Variants in FDFT1 observed in about 807,000 individuals in gnomAD.
FDFT1 encodes squalene synthase.
Under a neutral mutation model 46.8 loss-of-function variants are expected in FDFT1, and 68 were observed. That is an observed-to-expected ratio of 1.45 (90% CI 1.19 to 1.78). The LOEUF (loss-of-function observed/expected upper bound fraction) is 1.78. Ranked by LOEUF, FDFT1 falls within the 40% of genes most tolerant of loss-of-function variation. The pLI is 0.00. For missense variants in FDFT1, 928 were observed against 524.4 expected (o/e 1.77, Z -7.52); for synonymous variants, 351 against 185.1 (o/e 1.90, Z -7.28).
intron 3 of FDFT1, among the ~76,000 whole-genome samples, chr8:11,815,145 T>C (rs770921646): frequency 6.6e-6 from 1 of 152,222 alleles, no homozygotes; most frequent in East Asian, 1.9e-4. Context: ...TGTGATACTT[T>C]GCTCAGAATG....
chr8:11,810,674 A>G (rs1807587086), intron 3 of FDFT1, among the ~76,000 whole-genome samples: 1 of 152,224 alleles, frequency 6.6e-6, no homozygotes, highest in African/African-American at 2.4e-5. Context: ...CTACTATCCT[A>G]GAATTCGCAT....
intron 3 of FDFT1, among the ~76,000 whole-genome samples, chr8:11,816,215 C>A (rs372470697): frequency 1.3e-5 from 2 of 152,300 alleles, no homozygotes; most frequent in East Asian, 1.9e-4. Flanking sequence ...CTGTTCCGTT[C>A]CATTGGTGTA....
upstream of FDFT1, among the ~76,000 whole-genome samples, chr8:11,798,319 C>A (rs1300001742): frequency 1.3e-5 from 2 of 152,162 alleles, no homozygotes; most frequent in Admixed American, 6.5e-5. Context: ...ATTGGTCTTC[C>A]CAAGTGCTGG....
upstream of FDFT1, among the ~76,000 whole-genome samples, chr8:11,799,332 G>C (rs1202020110): frequency 1.3e-5 from 2 of 152,232 alleles, no homozygotes; most frequent in African/African-American, 2.4e-5. Context: ...CTGTCTGGTG[G>C]AGCTGCAGGT....
intron 3 of FDFT1, among the ~76,000 whole-genome samples, chr8:11,812,892 C>G (rs1216905497): frequency 6.6e-6 from 1 of 152,210 alleles, no homozygotes; most frequent in Non-Finnish European, 1.5e-5. Flanking sequence ...TACAGTCATG[C>G]ATCACTTAAT....
intron 4 of FDFT1, among the ~76,000 whole-genome samples, 159 bp downstream of exon 4, chr8:11,822,037 C>G (rs1357153621): frequency 6.6e-6 from 1 of 152,148 alleles, no homozygotes; most frequent in Non-Finnish European, 1.5e-5. Context: ...ACAGTTTATT[C>G]CAGAGTTAAT....
intron 6 of FDFT1, among the ~76,000 whole-genome samples, chr8:11,831,137 A>C (rs1370000843): frequency 6.6e-6 from 1 of 152,214 alleles, no homozygotes; most frequent in Non-Finnish European, 1.5e-5. Context: ...TGTAGGAAAA[A>C]TAGAAAAACA....
rs1048603425 is a variant in FDFT1, at chr8:11,809,148, G to A, written c.197+257G>A. 28 of 1,302,426 alleles carry A rather than the reference G, an allele frequency of 2.1e-5. No individual in the cohort carries two copies. In the African/African-American group the frequency reaches 4.0e-4, roughly 18 times the overall value. The allele number at this position is 1,302,426 out of a possible 1,614,324, so 80.7% of individuals were successfully genotyped here. On this transcript the variant is annotated intron_variant, in intron 2 of 7. Coordinates refer to ENST00000220584, the MANE Select transcript of FDFT1 (RefSeq NM_004462.5). ...TGTTTATTAACTTTTTTTAGTCTTG[G>A]CAGCTGAACCTGCCTGTGAGCAGGT... is the stretch of plus-strand genomic sequence containing the variant.
intron 2 of FDFT1, chr8:11,809,399 C>A: frequency 2.5e-6 from 3 of 1,206,404 alleles, no homozygotes; most frequent in Admixed American, 4.1e-5. Context: ...CTCCATAGTT[C>A]TACATTGGTT....
chr8:11,836,752 T>C (rs978224812), intron 7 of FDFT1, among the ~76,000 whole-genome samples: 1 of 152,262 alleles, frequency 6.6e-6, no homozygotes, highest in African/African-American at 2.4e-5. Flanking sequence ...TTGAAAAGTC[T>C]TGGCTGGGTG....
intron 7 of FDFT1, among the ~76,000 whole-genome samples, chr8:11,833,041 C>CA (rs1156971867): frequency 3.3e-5 from 5 of 152,146 alleles, no homozygotes; most frequent in African/African-American, 1.2e-4. Flanking sequence ...CTTTATCTGA[C>CA]ACAGAAATGC....
intron 4 of FDFT1, among the ~76,000 whole-genome samples, chr8:11,825,412 G>A (rs994183138): frequency 2.0e-5 from 3 of 151,846 alleles, no homozygotes; most frequent in African/African-American, 4.8e-5. Flanking sequence ...GTGGTGGTGG[G>A]TGCTTTAATT....
chr8:11,829,243 A>G (rs1452094440), intron 5 of FDFT1, among the ~76,000 whole-genome samples: 1 of 152,230 alleles, frequency 6.6e-6, no homozygotes, highest in Non-Finnish European at 1.5e-5. Context: ...ACTATTTTTA[A>G]GTCTATTATT....
chr8:11,813,853 T>C (rs3779663), intron 3 of FDFT1, among the ~76,000 whole-genome samples: 78,699 of 152,030 alleles, frequency 0.52, 20,984 homozygotes, highest in African/African-American at 0.65. Flanking sequence ...TATGGTCGTA[T>C]CCGGGGAACA....
In FDFT1 at chr8:11,816,282, A is replaced by ACTACAAG. The variant is rs536561441; in HGVS notation, c.382-5468_382-5467insCTACAAG. Among the ~76,000 whole-genome samples the ACTACAAG allele has an allele frequency of 9.5e-4, 144 of 152,284 alleles. 1 individual carries two copies. Among genetic ancestry groups the ACTACAAG allele is most frequent in the Admixed American group, 7.0e-3 (107 of 15,292 alleles). On this transcript the variant is annotated intron_variant, in intron 3 of 7. Transcript: ENST00000220584. ...TTTGGTTACTGTAGCCTTGTAGTAT[A>ACTACAAG]GTTTGAAGTCAGGTAGCGTGATGCC...
At position 11,803,041 on chromosome 8, in the gene FDFT1, C is replaced by G. The variant is rs1438452500; in HGVS notation, c.99+110C>G. 2.0e-6 allele frequency: 3 copies of G among 1,479,052 alleles called. No individual in the cohort carries two copies. The African/African-American group carries it at 4.3e-5, about 21-fold the overall frequency. The allele number at this position is 1,479,052 out of a possible 1,614,324, so 91.6% of individuals were successfully genotyped here. On this transcript the variant is annotated intron_variant, in intron 1 of 7. Coordinates refer to ENST00000220584, the MANE Select transcript of FDFT1 (RefSeq NM_004462.5). The stretch of plus-strand genomic sequence containing the variant: ...GGGGCAAGGGGCGCGGCGAGCAGGG[C>G]CGACGCCTGGGTGTTCCCGTCCCCC...
Position 11,838,377 on chromosome 8 carries a change from G to C in FDFT1, c.1033-11G>C, listed in dbSNP as rs1203579862. The stretch of plus-strand genomic sequence containing the variant: ...CATAGCACTTATCATTTTTTCCTGT[G>C]TCTTTAACAGATTTATCATAGAATC... On this transcript the variant is annotated splice_polypyrimidine_tract_variant and intron_variant, in intron 7 of 7. Coordinates refer to ENST00000220584, the MANE Select transcript of FDFT1 (RefSeq NM_004462.5). The C allele has an allele frequency of 1.2e-6, 2 of 1,606,238 alleles. No homozygotes were observed. The highest frequency in any genetic ancestry group is 1.1e-5 in the South Asian group (1 of 90,860).
exon 1 of FDFT1, chr8:11,795,589 C>T (rs914859186): frequency 2.6e-5 from 3 of 114,764 alleles, no homozygotes; most frequent in Admixed American, 8.9e-5. Context: ...GGTGGCAACA[C>T]GCTGGGTTTG....
At chr8:11,802,664 C>T (rs777285426), upstream of FDFT1, 130 of 621,442 alleles carry the variant, frequency 2.1e-4, no homozygotes, top group Non-Finnish European at 2.4e-4. Context: ...CGCTGGCGGC[C>T]GAGGCCGGTT....
Sources: gnomAD v4.1 joint callset for allele counts (sites outside exome capture counted in the v4.1 genomes callset) on GRCh38, gnomAD v4.1.1 for gene constraint, MANE v1.5 for transcripts, NCBI Gene and HGNC (gene_info 2026-07-23, HGNC 2026-07-21) for gene names.